The following FBXO34 variants were observed in gnomAD, a reference collection of about 807,000 sequenced individuals.
FBXO34 encodes the protein F-box protein 34.
Under a neutral mutation model 24.5 loss-of-function variants are expected in FBXO34, and 12 were observed. The observed-to-expected ratio is 0.49, with a 90% confidence interval of 0.31 to 0.79. The LOEUF (loss-of-function observed/expected upper bound fraction) is 0.79, where lower values mean the gene tolerates loss of function less well. Ranked by LOEUF, FBXO34 falls within the 30% of genes least tolerant of loss-of-function variation. The pLI is 0.04. For missense variants in FBXO34, 823 were observed against 857.7 expected (o/e 0.96, Z 0.51); for synonymous variants, 320 against 311.9 (o/e 1.03, Z -0.27).
chr14:55,334,080 A>G (rs1170211371), intron 1 of FBXO34, among the ~76,000 whole-genome samples: 3 of 152,180 alleles, frequency 2.0e-5, no homozygotes, highest in Non-Finnish European at 4.4e-5. Context: ...TGTTTTAGTA[A>G]ATAGAGTGCT....
chr14:55,386,119 A>C, the FBXO34 span: 1 of 1,580,516 alleles, frequency 6.3e-7, no homozygotes, highest in Non-Finnish European at 8.6e-7. Flanking sequence ...AATCACACCC[A>C]ACAATTATCT....
the FBXO34 span, among the ~76,000 whole-genome samples, chr14:55,415,852 C>T: frequency 6.4e-4 from 97 of 152,026 alleles, no homozygotes; most frequent in Non-Finnish European, 1.1e-3. Context: ...GGCGACACAG[C>T]GAGACTCTGT....
At chr14:55,386,085 G>T in the FBXO34 span, 6 of 1,608,552 alleles carry the variant, frequency 3.7e-6, no homozygotes, top group East Asian at 1.3e-4. Context: ...GTTTTGAGAA[G>T]GCCTTCAGAA....
downstream of FBXO34, among the ~76,000 whole-genome samples, chr14:55,370,569 C>G (rs1054518547): frequency 1.3e-5 from 2 of 151,842 alleles, no homozygotes; most frequent in African/African-American, 4.8e-5. Context: ...ATAACCCTTT[C>G]TTAGGCCTCA....
At chr14:55,373,804 CAA>C (rs71705938), downstream of FBXO34, among the ~76,000 whole-genome samples, 43,849 of 135,188 alleles carry the variant, frequency 0.32, 6,627 homozygotes, top group Non-Finnish European at 0.36. Context: ...AAATTTGTTT[CAA>C]AAAAAAAAAA....
At chr14:55,299,709 A>C (rs1345821602) in intron 1 of FBXO34, among the ~76,000 whole-genome samples, 1 of 152,314 alleles carries the variant, frequency 6.6e-6, no homozygotes, top group South Asian at 2.1e-4. Context: ...ATTAAAATAC[A>C]TTCAAGTTTG....
At chr14:55,349,394 T>C (rs533765067) in intron 1 of FBXO34, among the ~76,000 whole-genome samples, 1 of 152,218 alleles carries the variant, frequency 6.6e-6, no homozygotes, top group Non-Finnish European at 1.5e-5. Flanking sequence ...CTTTCTGAAC[T>C]AGTTTAAAAT....
At chr14:55,332,353 G>A (rs895413881) in intron 1 of FBXO34, among the ~76,000 whole-genome samples, 2 of 151,984 alleles carry the variant, frequency 1.3e-5, no homozygotes, top group Non-Finnish European at 2.9e-5. Flanking sequence ...TATGGCAAAT[G>A]TTACTGTCCT....
At chr14:55,383,573 C>T in the FBXO34 span, among the ~76,000 whole-genome samples, 1 of 148,906 alleles carries the variant, frequency 6.7e-6, no homozygotes, top group African/African-American at 2.6e-5. Context: ...AAAAACAAAA[C>T]AACAACAACA....
intron 1 of FBXO34, among the ~76,000 whole-genome samples, chr14:55,322,234 C>T (rs547044339): frequency 3.3e-5 from 5 of 151,142 alleles, no homozygotes; most frequent in East Asian, 3.9e-4. Flanking sequence ...GGCGTGAACC[C>T]GGGAGGCGGA....
intron 1 of FBXO34, among the ~76,000 whole-genome samples, chr14:55,309,931 C>T (rs2139740235): frequency 6.6e-6 from 1 of 152,188 alleles, no homozygotes; most frequent in Non-Finnish European, 1.5e-5. Flanking sequence ...TTTTCTGATC[C>T]TTATCAGTCA....
chr14:55,292,697 G>C (rs955399451), intron 1 of FBXO34, among the ~76,000 whole-genome samples: 1 of 151,922 alleles, frequency 6.6e-6, no homozygotes, highest in African/African-American at 2.4e-5. Flanking sequence ...TAAAAGAAAG[G>C]ATATATATGC....
At chr14:55,292,931 G>A (rs1456790657) in intron 1 of FBXO34, among the ~76,000 whole-genome samples, 3 of 152,094 alleles carry the variant, frequency 2.0e-5, no homozygotes, top group Non-Finnish European at 4.4e-5. Context: ...CACTGAGGCT[G>A]AAGTGCAGTG....
chr14:55,431,136 A>G, the FBXO34 span, among the ~76,000 whole-genome samples: 90 of 152,350 alleles, frequency 5.9e-4, no homozygotes, highest in African/African-American at 1.9e-3. Context: ...TCTTGCTGTT[A>G]CAACAAAAGA....
At chr14:55,377,750 T>C in the FBXO34 span, 13 of 1,184,934 alleles carry the variant, frequency 1.1e-5, no homozygotes, top group East Asian at 2.4e-5. Context: ...GACTCTACTA[T>C]GCCAACATAC....
Position 55,298,982 on chromosome 14 carries a change from C to G in FBXO34, c.-11+27445C>G. 2.5e-6 allele frequency: 4 copies of G among 1,606,146 alleles called. No individual in the cohort carries two copies. The South Asian group carries it at 3.3e-5, about 13-fold the overall frequency. On this transcript the variant is annotated intron_variant, in intron 1 of 1. Coordinates refer to ENST00000313833, the MANE Select transcript of FBXO34 (RefSeq NM_017943.4). ...AGGCGGCCCACGACAACATGGACAT[C>G]GATAAAGTTGATGAGTTAATGCAGG...
At chr14:55,318,851 A>C (rs1883031116) in intron 1 of FBXO34, among the ~76,000 whole-genome samples, 1 of 152,054 alleles carries the variant, frequency 6.6e-6, no homozygotes, top group African/African-American at 2.4e-5. Context: ...ACTCGCTCTC[A>C]AGTAGGCATT....
intron 3 of FBXO34, among the ~76,000 whole-genome samples, chr14:55,360,386 T>A (rs1322025481): frequency 6.6e-6 from 1 of 152,152 alleles, no homozygotes; most frequent in Non-Finnish European, 1.5e-5. Flanking sequence ...AGAAACACTT[T>A]CTTTTGCTCA....
At chr14:55,343,123 G>GCTTTTA (rs542467158) in intron 1 of FBXO34, among the ~76,000 whole-genome samples, 163 of 152,196 alleles carry the variant, frequency 1.1e-3, no homozygotes, top group Middle Eastern at 6.8e-3. Context: ...GTCTCTGGAA[G>GCTTTTA]CTTTTACAGT....
Sources: gnomAD v4.1 joint callset for allele counts (sites outside exome capture counted in the v4.1 genomes callset) on GRCh38, gnomAD v4.1.1 for gene constraint, MANE v1.5 for transcripts, NCBI Gene and HGNC (gene_info 2026-07-23, HGNC 2026-07-21) for gene names.